The following ZNF536 variants were observed in gnomAD, a reference collection of about 807,000 sequenced individuals.
ZNF536 encodes zinc finger protein 536.
In ZNF536, 13 loss-of-function variants were observed where a neutral mutation model predicts 84.5. The ratio of observed to expected loss-of-function variants is 0.15; its 90% CI spans 0.10 to 0.24. The LOEUF (loss-of-function observed/expected upper bound fraction) is 0.24, where lower values mean the gene tolerates loss of function less well. Ranked by LOEUF, ZNF536 falls within the 10% of genes least tolerant of loss-of-function variation. ZNF536 has a pLI of 1.00. For synonymous variants in ZNF536, 811 were observed against 742.5 expected (o/e 1.09, Z -1.50); for missense variants, 1,536 against 1,747.5 (o/e 0.88, Z 2.16).
chr19:30,311,666 G>T (rs2046509104), intron 2 of ZNF536, among the ~76,000 whole-genome samples: 1 of 151,796 alleles, frequency 6.6e-6, no homozygotes, highest in South Asian at 2.1e-4. Context: ...TCCCCAGCCT[G>T]ATACCTGCCC....
chr19:30,428,701 C>A (rs2051319545), intron 1 of ZNF536, among the ~76,000 whole-genome samples: 1 of 152,132 alleles, frequency 6.6e-6, no homozygotes, highest in African/African-American at 2.4e-5. Flanking sequence ...GATATCAAGA[C>A]CCTGGTGAGA....
chr19:30,462,238 G>A (rs1356160058), intron 2 of ZNF536, among the ~76,000 whole-genome samples: 1 of 152,132 alleles, frequency 6.6e-6, no homozygotes, highest in African/African-American at 2.4e-5. Flanking sequence ...CAGTAGAGGG[G>A]CTGAGTCTGC....
intron 2 of ZNF536, among the ~76,000 whole-genome samples, chr19:30,446,712 C>G (rs7250013): frequency 0.58 from 87,799 of 151,844 alleles, 26,030 homozygotes; most frequent in Non-Finnish European, 0.61. Flanking sequence ...TGTTACACGG[C>G]TGATACAGCT....
At chr19:30,690,174 CGGCTTTG>C (rs1163851310) in intron 1 of ZNF536, among the ~76,000 whole-genome samples, 1 of 152,192 alleles carries the variant, frequency 6.6e-6, no homozygotes, top group African/African-American at 2.4e-5. Context: ...ACTGGGCGCA[CGGCTTTG>C]TTAGGTATCA....
intron 1 of ZNF536, among the ~76,000 whole-genome samples, chr19:30,233,816 G>A (rs147473799): frequency 6.6e-6 from 1 of 152,280 alleles, no homozygotes; most frequent in African/African-American, 2.4e-5. Context: ...TCTGGAGTTG[G>A]CATGCTTAGC....
chr19:30,310,564 C>T (rs1437275618), intron 2 of ZNF536, among the ~76,000 whole-genome samples: 2 of 152,160 alleles, frequency 1.3e-5, no homozygotes, highest in Non-Finnish European at 2.9e-5. Flanking sequence ...TGGATATTAG[C>T]AGCGGCAGGA....
chr19:30,245,780 G>A (rs914767511), intron 1 of ZNF536, among the ~76,000 whole-genome samples: 1 of 152,238 alleles, frequency 6.6e-6, no homozygotes, highest in African/African-American at 2.4e-5. Context: ...GTTTATTCTG[G>A]CTTGGGTTTT....
chr19:30,284,720 G>C (rs534950883), intron 2 of ZNF536, among the ~76,000 whole-genome samples: 1 of 152,326 alleles, frequency 6.6e-6, no homozygotes, highest in East Asian at 1.9e-4. Context: ...ATCTGAGGCT[G>C]CCCCTGATAT....
upstream of ZNF536, among the ~76,000 whole-genome samples, chr19:30,226,274 T>C (rs1312323316): frequency 6.6e-6 from 1 of 152,090 alleles, no homozygotes; most frequent in East Asian, 1.9e-4. The surrounding 1 kb of genome is among the most constrained non-coding windows in gnomAD (Gnocchi z 4.6). Flanking sequence ...AAACTTCTGC[T>C]CAAGTGACTT....
At chr19:30,639,515 C>T (rs192108945) in intron 1 of ZNF536, among the ~76,000 whole-genome samples, 41 of 152,316 alleles carry the variant, frequency 2.7e-4, no homozygotes, top group Admixed American at 2.4e-3. Context: ...CCCTGGCAGG[C>T]AGCACAGCTC....
chr19:30,471,516 G>T (rs1313848006), intron 2 of ZNF536, among the ~76,000 whole-genome samples: 1 of 152,212 alleles, frequency 6.6e-6, no homozygotes, highest in African/African-American at 2.4e-5. Flanking sequence ...TTGTTTGCAG[G>T]GCAATTGTCA....
downstream of ZNF536, among the ~76,000 whole-genome samples, chr19:30,560,281 T>TACACCACCATCCATCCCCAC (rs1261462807): frequency 1.3e-5 from 2 of 151,128 alleles, no homozygotes; most frequent in African/African-American, 4.9e-5. Flanking sequence ...ACCATCCCCA[T>TACACCACCATCCATCCCCAC]ATACCACCAT....
chr19:30,616,910 A>G (rs1216064998), intron 1 of ZNF536, among the ~76,000 whole-genome samples: 1 of 152,160 alleles, frequency 6.6e-6, no homozygotes, highest in Non-Finnish European at 1.5e-5. Flanking sequence ...AAAAGGCATT[A>G]ACTTAATCTA....
intron 2 of ZNF536, among the ~76,000 whole-genome samples, chr19:30,521,290 G>A (rs1410396875): frequency 6.6e-6 from 1 of 152,204 alleles, no homozygotes; most frequent in Non-Finnish European, 1.5e-5. Flanking sequence ...CATGTCTGGG[G>A]GCTGTGGGGA....
At chr19:30,396,599 T>TTA (rs2049830095) in intron 1 of ZNF536, among the ~76,000 whole-genome samples, 1 of 148,440 alleles carries the variant, frequency 6.7e-6, no homozygotes, top group Non-Finnish European at 1.5e-5. Context: ...TCTCTTTTTT[T>TTA]TTTTTTTTTT....
rs34995610 is a variant in ZNF536 at position 30,569,559 on chromosome 19, CTTTTTTTTTTT to C, written c.169+20065_169+20075del. Among the ~76,000 whole-genome samples, 198 of 55,078 alleles carry C rather than the reference CTTTTTTTTTTT, an allele frequency of 3.6e-3. 5 individuals carry two copies. Among genetic ancestry groups the C allele is most frequent in the South Asian group, 0.022 (37 of 1,664 alleles). The allele number at this position is 55,078 out of a possible 152,430, so 36.1% of individuals were successfully genotyped here. A position where few individuals can be genotyped will look rare whatever the true frequency, so the allele number is the denominator to read the frequency against. On this transcript the variant is annotated intron_variant, in intron 1 of 1. Transcript: ENST00000592773. ...ATGGAATCGAAGCCAGATAAACGTT[CTTTTTTTTTTT>C]TTTTTTTTTTTTTTTTTTTGAGACA... is the stretch of plus-strand genomic sequence containing the variant.
Position 30,390,044 on chromosome 19 carries a change from A to G in ZNF536, c.-3+17488A>G, listed in dbSNP as rs370071140. ...TATCTTGGTAGATATTCAATGGGGGACCTCAGAGGTGTTCAAGGAAGGACT... is the reference window on the plus strand; with the variant it reads ...TATCTTGGTAGATATTCAATGGGGGGCCTCAGAGGTGTTCAAGGAAGGACT... On this transcript the variant is annotated intron_variant, in intron 1 of 4. Coordinates refer to ENST00000355537, the MANE Select transcript of ZNF536 (RefSeq NM_014717.3). Among the ~76,000 whole-genome samples, 5 of 152,154 alleles carry G rather than the reference A, an allele frequency of 3.3e-5. No homozygotes were observed. The East Asian group carries it at 9.7e-4, about 29-fold the overall frequency.
intron 1 of ZNF536, among the ~76,000 whole-genome samples, chr19:30,665,021 A>T (rs2050264874): frequency 6.6e-6 from 1 of 152,248 alleles, no homozygotes. Context: ...AATAATATCC[A>T]GTAAAAAAAT....
At chr19:30,329,228 G>A (rs908973267) in intron 2 of ZNF536, among the ~76,000 whole-genome samples, 13 of 152,334 alleles carry the variant, frequency 8.5e-5, no homozygotes, top group African/African-American at 2.6e-4. Context: ...TATTGAGACA[G>A]GTCCGAAAGG....
Sources: gnomAD v4.1 joint callset for allele counts (sites outside exome capture counted in the v4.1 genomes callset) on GRCh38, gnomAD v4.1.1 for gene constraint, Gnocchi (gnomAD v3.1) non-coding constraint, MANE v1.5 for transcripts, NCBI Gene and HGNC (gene_info 2026-07-23, HGNC 2026-07-21) for gene names.